The following EXOC4 variants were observed in gnomAD, a reference collection of about 807,000 sequenced individuals.
The protein encoded by EXOC4 is SEC8-like 1.
A neutral mutation model predicts 107.2 loss-of-function variants in EXOC4; 71 were observed. The observed-to-expected ratio is 0.66, with a 90% CI of 0.55 to 0.81. The LOEUF (loss-of-function observed/expected upper bound fraction) is 0.81. Among genes scored for constraint, EXOC4 ranks in the 30% least tolerant of loss-of-function variants. The pLI is 0.00. For missense variants in EXOC4, 1,108 were observed against 1,189.6 expected (o/e 0.93, Z 1.01); for synonymous variants, 456 against 441.2 (o/e 1.03, Z -0.42).
At chr7:133,569,803 C>T (rs1053753064) in intron 9 of EXOC4, among the ~76,000 whole-genome samples, 4 of 152,124 alleles carry the variant, frequency 2.6e-5, no homozygotes, top group African/African-American at 9.7e-5. Flanking sequence ...TAATCAAATG[C>T]CCAGGTTTCC....
chr7:133,350,643 T>C (rs1327919167), intron 5 of EXOC4, among the ~76,000 whole-genome samples: 2 of 152,074 alleles, frequency 1.3e-5, no homozygotes, highest in Admixed American at 1.3e-4. Flanking sequence ...TTTGTTCTTC[T>C]TTTTCAAGAT....
chr7:133,336,826 C>T (rs898019168), intron 5 of EXOC4, among the ~76,000 whole-genome samples: 3 of 151,944 alleles, frequency 2.0e-5, no homozygotes, highest in Non-Finnish European at 4.4e-5. Flanking sequence ...CTCCGCCTCC[C>T]GGGTTCAAGC....
intron 7 of EXOC4, among the ~76,000 whole-genome samples, chr7:133,433,353 A>T (rs1797897762): frequency 6.6e-6 from 1 of 152,214 alleles, no homozygotes; most frequent in Non-Finnish European, 1.5e-5. Context: ...ATGTTAGCAA[A>T]TATGCCACTA....
chr7:133,389,074 A>T (rs1224616583), intron 7 of EXOC4, among the ~76,000 whole-genome samples: 2 of 152,162 alleles, frequency 1.3e-5, no homozygotes, highest in East Asian at 3.9e-4. Context: ...AGTGAAAGTA[A>T]TGTTTTTAGG....
chr7:133,895,683 A>G lies in EXOC4; in HGVS notation c.1819A>G (p.Met607Val), dbSNP rs1237992093. The change falls in exon 12 of 18, where the codon ATG (methionine) becomes GTG (valine). Residue 607 changes from methionine to valine, a missense_variant. Physicochemically the swap from Met to Val is conservative, Grantham distance 21. Coordinates refer to ENST00000253861, the MANE Select transcript of EXOC4 (RefSeq NM_021807.4). ...LSAYSDQFLN[M>V]VCVKLQEYKD... The stretch of plus-strand genomic sequence containing the variant: ...TGCATATTCAGATCAATTCCTCAAC[A>G]TGGTGTGCGTGAAGCTCCAGGAGTA... 1.2e-5 allele frequency: 20 copies of G among 1,614,034 alleles called. No homozygotes were observed. Among genetic ancestry groups the G allele is most frequent in the Non-Finnish European group, 1.4e-5 (17 of 1,180,006 alleles).
intron 9 of EXOC4, among the ~76,000 whole-genome samples, chr7:133,571,679 C>CAAAAA: frequency 8.9e-6 from 1 of 112,208 alleles, no homozygotes; most frequent in Non-Finnish European, 1.9e-5. Flanking sequence ...TGCCTCAAAG[C>CAAAAA]AAAAAAAAAA....
chr7:133,761,480 T>C (rs531755831), intron 10 of EXOC4, among the ~76,000 whole-genome samples: 1 of 152,276 alleles, frequency 6.6e-6, no homozygotes, highest in South Asian at 2.1e-4. Context: ...GTCAGTGTCA[T>C]CATGGAATTT....
chr7:133,386,981 G>A (rs991767637), intron 7 of EXOC4, among the ~76,000 whole-genome samples: 1 of 152,188 alleles, frequency 6.6e-6, no homozygotes, highest in African/African-American at 2.4e-5. Flanking sequence ...TCTGGTTGAT[G>A]AAGTCTTCTG....
chr7:133,484,097 T>C, intron 9 of EXOC4: 1 of 1,613,384 alleles, frequency 6.2e-7, no homozygotes. Flanking sequence ...AAAGCTCAAA[T>C]TTTACAAAAG....
chr7:133,728,057 A>C (rs1436384533), intron 10 of EXOC4, among the ~76,000 whole-genome samples: 1 of 152,190 alleles, frequency 6.6e-6, no homozygotes, highest in South Asian at 2.1e-4. Context: ...TGAGTATCTG[A>C]TTCTTCCTTT....
At chr7:133,258,670 G>C (rs908152634) in intron 1 of EXOC4, among the ~76,000 whole-genome samples, 4 of 152,066 alleles carry the variant, frequency 2.6e-5, no homozygotes, top group African/African-American at 9.7e-5. Flanking sequence ...TAAATTTGCC[G>C]GATAGCAACC....
rs182634358 is a variant in EXOC4 at position 134,042,668 on chromosome 7, C to A, written c.2688-21623C>A. Among the ~76,000 whole-genome samples, 161 of 152,314 alleles carry A rather than the reference C, an allele frequency of 1.1e-3. 1 individual carries two copies. Among genetic ancestry groups the A allele is most frequent in the African/African-American group, 3.5e-3 (145 of 41,574 alleles). On this transcript the variant is annotated intron_variant, in intron 17 of 17. Transcript: ENST00000253861. ...GCAGATTTAAGTCAGAGCCCTGCTG[C>A]TGATTAGCTGTGTGACCTGGACCTC...
intron 7 of EXOC4, among the ~76,000 whole-genome samples, chr7:133,433,711 G>A (rs1401458204): frequency 2.0e-5 from 3 of 152,138 alleles, no homozygotes; most frequent in Non-Finnish European, 4.4e-5. Flanking sequence ...TTTCCATGTA[G>A]CATCAAGAAC....
At chr7:134,096,139 A>G in the EXOC4 span, among the ~76,000 whole-genome samples, 9 of 152,316 alleles carry the variant, frequency 5.9e-5, no homozygotes, top group South Asian at 1.7e-3. Flanking sequence ...GCAAAAGAAC[A>G]GACACTTCCC....
rs528554920 is a variant in EXOC4, at chr7:133,259,661, C to T, written c.86+6474C>T. On this transcript the variant is annotated intron_variant, in intron 1 of 17. Transcript: ENST00000253861. Reference sequence around the variant, plus strand: ...TTCAAACAGTGAAAATGCAGAAAACCGTGAAGATGAAAGTAAGAAAAATTA... The same window carrying T: ...TTCAAACAGTGAAAATGCAGAAAACTGTGAAGATGAAAGTAAGAAAAATTA... 1.7e-4 allele frequency among the ~76,000 whole-genome samples: 26 copies of T among 151,986 alleles called. 1 individual carries two copies. In the South Asian group the frequency reaches 4.4e-3, roughly 26 times the overall value.
At chr7:133,936,020 GGGTT>G (rs1404498700) in intron 13 of EXOC4, among the ~76,000 whole-genome samples, 23 of 152,076 alleles carry the variant, frequency 1.5e-4, no homozygotes, top group Non-Finnish European at 2.8e-4. Context: ...ATTCAAACCT[GGGTT>G]TATCTCACTT....
chr7:133,323,838 C>A (rs988869363), intron 5 of EXOC4, among the ~76,000 whole-genome samples: 3 of 152,130 alleles, frequency 2.0e-5, no homozygotes, highest in African/African-American at 7.2e-5. Context: ...TCCATCTGAT[C>A]CTGGACTTTT....
At chr7:133,479,945 C>G in intron 8 of EXOC4, 105 bp from the exon 9 acceptor site, 1 of 933,910 alleles carries the variant, frequency 1.1e-6, no homozygotes, top group Non-Finnish European at 1.7e-6. Flanking sequence ...CACGGAACAT[C>G]GGGGAGCACC....
chr7:133,565,001 G>A (rs1243733535), intron 9 of EXOC4, among the ~76,000 whole-genome samples: 5 of 152,150 alleles, frequency 3.3e-5, no homozygotes, highest in African/African-American at 1.2e-4. Flanking sequence ...GTGGAATTGC[G>A]ATAGAAATCG....
Sources: allele counts gnomAD v4.1 joint callset (sites outside exome capture counted in the v4.1 genomes callset), GRCh38; gene constraint gnomAD v4.1.1; transcripts MANE v1.5; gene names NCBI Gene and HGNC (gene_info 2026-07-23, HGNC 2026-07-21).